The following CD46 variants were observed in gnomAD, a reference collection of about 807,000 sequenced individuals.
CD46 encodes CD46 molecule.
CD46 carries 30 observed loss-of-function variants against 53.3 expected under a neutral mutation model. That is an observed-to-expected ratio of 0.56 (90% CI 0.42 to 0.76). The LOEUF is 0.76. Ranked by LOEUF, CD46 falls within the 30% of genes least tolerant of loss-of-function variation. CD46 has a pLI of 0.00. For synonymous variants in CD46, 142 were observed against 152.0 expected (o/e 0.93, Z 0.48); for missense variants, 409 against 463.0 (o/e 0.88, Z 1.07).
At chr1:207,773,967 A>C (rs146986453) in intron 8 of CD46, among the ~76,000 whole-genome samples, 26 of 152,234 alleles carry the variant, frequency 1.7e-4, no homozygotes, top group Middle Eastern at 6.8e-3. Context: ...GATCTGTCCA[A>C]TATTGACAGT....
intron 12 of CD46, among the ~76,000 whole-genome samples, chr1:207,792,676 A>T (rs957614901): frequency 6.6e-5 from 10 of 152,126 alleles, no homozygotes; most frequent in Admixed American, 5.2e-4. Flanking sequence ...GACTGGTCCG[A>T]ATTTGGTTTT....
intron 12 of CD46, among the ~76,000 whole-genome samples, chr1:207,790,837 A>T (rs1343898969): frequency 6.6e-6 from 1 of 152,230 alleles, no homozygotes; most frequent in Admixed American, 6.5e-5. Flanking sequence ...AAAGGAAAAC[A>T]AAAAAGTCCT....
At chr1:207,752,050 G>C, upstream of CD46, 3 of 763,060 alleles carry the variant, frequency 3.9e-6, no homozygotes, top group Non-Finnish European at 6.9e-6. The surrounding 1 kb of genome is among the most constrained non-coding windows in gnomAD (Gnocchi z 4.1). Flanking sequence ...CTTCCGCCCC[G>C]GGCGCGGCTC....
intron 5 of CD46, among the ~76,000 whole-genome samples, 176 bp downstream of exon 5, chr1:207,761,622 C>G (rs1172697060): frequency 6.6e-6 from 1 of 151,986 alleles, no homozygotes; most frequent in East Asian, 1.9e-4. Flanking sequence ...AGCTAGAGTT[C>G]CCTATTTCTC....
intron 12 of CD46, among the ~76,000 whole-genome samples, chr1:207,791,275 A>G (rs1219742507): frequency 1.3e-5 from 2 of 152,100 alleles, no homozygotes; most frequent in Non-Finnish European, 2.9e-5. Flanking sequence ...GTTTTCTCTT[A>G]AGCATGTATA....
chr1:207,785,037 G>T (rs1370747006), intron 9 of CD46, 34 bp from the exon 10 acceptor site: 1 of 1,581,656 alleles, frequency 6.3e-7, no homozygotes, highest in South Asian at 1.1e-5. Context: ...GGAGATCCAT[G>T]TGTTCAACAT....
At chr1:207,760,550 C>A (rs906167544) in intron 4 of CD46, 1 of 152,216 alleles carries the variant, frequency 6.6e-6, no homozygotes, top group Non-Finnish European at 1.5e-5. Flanking sequence ...CTTGTGATGA[C>A]TAGAACAGAA....
chr1:207,791,471 C>CAATCTG (rs1558085474), intron 12 of CD46, among the ~76,000 whole-genome samples: 1 of 152,178 alleles, frequency 6.6e-6, no homozygotes, highest in Non-Finnish European at 1.5e-5. Flanking sequence ...ATAACCAAGA[C>CAATCTG]AGCTATTGAG....
chr1:207,755,729 A>G (rs1490880213), intron 1 of CD46, among the ~76,000 whole-genome samples: 3 of 152,250 alleles, frequency 2.0e-5, no homozygotes, highest in African/African-American at 4.8e-5. Flanking sequence ...AGAGCAGTCC[A>G]TATCTGGTCA....
At chr1:207,753,189 G>T (rs1314318151) in intron 1 of CD46, among the ~76,000 whole-genome samples, 2 of 152,026 alleles carry the variant, frequency 1.3e-5, no homozygotes, top group African/African-American at 4.8e-5. Context: ...ATTACTTTGA[G>T]TCATATTTGA....
At chr1:207,767,549 T>G in intron 6 of CD46, 2 of 1,318,554 alleles carry the variant, frequency 1.5e-6, no homozygotes, top group South Asian at 1.2e-5. Context: ...TTCATATAAA[T>G]GAAATGAGAG....
intron 1 of CD46, among the ~76,000 whole-genome samples, chr1:207,755,830 A>G (rs1221144412): frequency 6.6e-6 from 1 of 152,232 alleles, no homozygotes; most frequent in Non-Finnish European, 1.5e-5. Flanking sequence ...ATTATTTTCA[A>G]TATGAAATTG....
At chr1:207,787,825 A>G (rs1371046400) in intron 11 of CD46, among the ~76,000 whole-genome samples, 1 of 152,182 alleles carries the variant, frequency 6.6e-6, no homozygotes, top group Admixed American at 6.5e-5. Context: ...TGTTATTTTG[A>G]TAGCTGAACT....
intron 1 of CD46, among the ~76,000 whole-genome samples, chr1:207,753,125 A>C (rs867000245): frequency 6.6e-6 from 1 of 152,106 alleles, no homozygotes; most frequent in Non-Finnish European, 1.5e-5. Flanking sequence ...ACCAATATAG[A>C]TAGTATCTGA....
chr1:207,778,731 C>CT (rs1658396216), intron 8 of CD46, among the ~76,000 whole-genome samples: 1 of 152,130 alleles, frequency 6.6e-6, no homozygotes, highest in South Asian at 2.1e-4. Flanking sequence ...ATGCCTCCAG[C>CT]TTTGTTCTTT....
At chr1:207,787,495 A>T (rs1659380174) in intron 11 of CD46, among the ~76,000 whole-genome samples, 1 of 152,112 alleles carries the variant, frequency 6.6e-6, no homozygotes, top group Non-Finnish European at 1.5e-5. Context: ...TAAAGCCCAT[A>T]TTTTACAGCA....
chr1:207,776,600 G>T (rs1350360533), intron 8 of CD46, among the ~76,000 whole-genome samples: 2 of 152,086 alleles, frequency 1.3e-5, no homozygotes, highest in Non-Finnish European at 2.9e-5. Context: ...GTTTTAATTT[G>T]CATTTCTTGG....
At chr1:207,756,856 C>T (rs1375590618) in intron 1 of CD46, among the ~76,000 whole-genome samples, 158 bp from the exon 2 acceptor site, 1 of 152,230 alleles carries the variant, frequency 6.6e-6, no homozygotes, top group Non-Finnish European at 1.5e-5. Context: ...ATTTCCTCCA[C>T]TGCTATGAGC....
intron 8 of CD46, among the ~76,000 whole-genome samples, chr1:207,779,913 C>CTTTTTTTTTTTTTTT (rs66758503): frequency 0.19 from 11,301 of 61,010 alleles, 2,659 homozygotes; most frequent in Non-Finnish European, 0.25. Flanking sequence ...AAAAGCAAGT[C>CTTTTTTTTTTTTTTT]TTTTTTTTTT....
Sources: allele counts gnomAD v4.1 joint callset (sites outside exome capture counted in the v4.1 genomes callset), GRCh38; gene constraint gnomAD v4.1.1; non-coding constraint Gnocchi (gnomAD v3.1); transcripts MANE v1.5; gene names NCBI Gene and HGNC (gene_info 2026-07-23, HGNC 2026-07-21).